Variants in EPSTI1 observed in about 807,000 individuals in gnomAD.
The protein encoded by EPSTI1 is epithelial stromal interaction 1.
A neutral mutation model predicts 49.9 loss-of-function variants in EPSTI1; 66 were observed. That is an observed-to-expected ratio of 1.32 (90% CI 1.08 to 1.62). The LOEUF (loss-of-function observed/expected upper bound fraction) is 1.62, where lower values mean the gene tolerates loss of function less well. Ranked by LOEUF, EPSTI1 falls within the 40% of genes most tolerant of loss-of-function variation. The probability of loss-of-function intolerance (pLI) is 0.00; values close to 1 mark genes in which losing one functional copy is unlikely to be tolerated. For missense variants in EPSTI1, 394 were observed against 365.5 expected (o/e 1.08, Z -0.64); for synonymous variants, 137 against 130.7 (o/e 1.05, Z -0.33).
At position 42,917,638 on chromosome 13, in the gene EPSTI1, A is replaced by T; in HGVS notation, c.658-14T>A. 5 of 990,222 alleles carry T rather than the reference A, an allele frequency of 5.0e-6. No homozygotes were observed. Among genetic ancestry groups the T allele is most frequent in the Non-Finnish European group, 7.4e-6 (5 of 680,180 alleles). The allele number at this position is 990,222 out of a possible 1,614,324, so 61.3% of individuals were successfully genotyped here. A position where few individuals can be genotyped will look rare whatever the true frequency, so the allele number is the denominator to read the frequency against. ...CCAGCTTCTGGCCTGTAAAGGTACA[A>T]AGAGAAAAAAAAAAAAAAAAACAAC... is the stretch of plus-strand genomic sequence containing the variant. On this transcript the variant is annotated splice_polypyrimidine_tract_variant and intron_variant, in intron 7 of 10. Coordinates refer to ENST00000313624, the MANE Select transcript of EPSTI1 (RefSeq NM_033255.5).
intron 7 of EPSTI1, among the ~76,000 whole-genome samples, chr13:42,924,249 C>A (rs914891649): frequency 1.3e-5 from 2 of 152,120 alleles, no homozygotes; most frequent in African/African-American, 4.8e-5. Flanking sequence ...GGGTCAAAAT[C>A]GGAGCAGCTA....
At chr13:42,985,942 T>C (rs185778828) in intron 1 of EPSTI1, among the ~76,000 whole-genome samples, 130 of 152,328 alleles carry the variant, frequency 8.5e-4, no homozygotes, top group African/African-American at 3.0e-3. Context: ...ACTTGAGGCT[T>C]GAGAATTCCT....
At chr13:42,899,350 T>C (rs559850132) in intron 9 of EPSTI1, among the ~76,000 whole-genome samples, 1 of 152,312 alleles carries the variant, frequency 6.6e-6, no homozygotes, top group Admixed American at 6.5e-5. Flanking sequence ...GTTTTGATAT[T>C]TCCTTAAATA....
chr13:42,925,310 A>T (rs2038136364), intron 7 of EPSTI1, among the ~76,000 whole-genome samples: 1 of 152,156 alleles, frequency 6.6e-6, no homozygotes, highest in Non-Finnish European at 1.5e-5. Context: ...AACATTTCCA[A>T]TACCCTCAGT....
intron 1 of EPSTI1, among the ~76,000 whole-genome samples, chr13:42,984,560 T>C (rs1294547257): frequency 6.6e-6 from 1 of 152,236 alleles, no homozygotes; most frequent in African/African-American, 2.4e-5. Context: ...GTGATATTGA[T>C]AAAAATTTAA....
At chr13:42,939,711 G>A (rs552350139) in intron 6 of EPSTI1, among the ~76,000 whole-genome samples, 13 of 152,262 alleles carry the variant, frequency 8.5e-5, no homozygotes, top group African/African-American at 2.6e-4. Flanking sequence ...TAATTATAAC[G>A]AAAAGTCTGA....
intron 10 of EPSTI1, among the ~76,000 whole-genome samples, chr13:42,889,652 G>A (rs1017558424): frequency 1.3e-5 from 2 of 152,128 alleles, no homozygotes; most frequent in African/African-American, 2.4e-5. Context: ...TATAATTTAA[G>A]TTGCTAATTC....
At chr13:42,905,807 G>A (rs2037481855) in intron 8 of EPSTI1, among the ~76,000 whole-genome samples, 1 of 152,158 alleles carries the variant, frequency 6.6e-6, no homozygotes, top group East Asian at 1.9e-4. Context: ...AAAGAAATGA[G>A]TTGCTAAACA....
intron 8 of EPSTI1, among the ~76,000 whole-genome samples, chr13:42,916,254 G>A (rs1317994560): frequency 7.8e-6 from 1 of 127,578 alleles, no homozygotes; most frequent in African/African-American, 2.7e-5. Context: ...ATCTTGCCAA[G>A]ACAAAAAGAT....
intron 4 of EPSTI1, 197 bp from the exon 5 acceptor site, chr13:42,963,535 T>A (rs1474580022): frequency 1.7e-6 from 1 of 579,318 alleles, no homozygotes; most frequent in African/African-American, 1.9e-5. Context: ...AATTTCTGTC[T>A]TTGTGTTTCT....
Position 42,943,016 on chromosome 13 carries a change from CACATATTTG to C in EPSTI1, c.563+10923_563+10931del, listed in dbSNP as rs541606105. Among the ~76,000 whole-genome samples the C allele has an allele frequency of 8.5e-5, 13 of 152,326 alleles. No homozygotes were observed. In the South Asian group the frequency reaches 2.7e-3, roughly 32 times the overall value. On this transcript the variant is annotated intron_variant, in intron 6 of 10. Transcript: ENST00000313624. ...ATTCTTATTTAAACAGAAAAACAAGCACATATTTGACCAAAAATGTCACTGTCTTCTTTG... is the reference window on the plus strand; with the variant it reads ...ATTCTTATTTAAACAGAAAAACAAGCACCAAAAATGTCACTGTCTTCTTTG...
chr13:42,894,187 TG>T (rs1408951765), intron 10 of EPSTI1, among the ~76,000 whole-genome samples: 3 of 152,236 alleles, frequency 2.0e-5, no homozygotes, highest in African/African-American at 4.8e-5. Flanking sequence ...CATGATCTTT[TG>T]TCTGTCAAGT....
chr13:42,992,149 C>CT lies in EPSTI1; in HGVS notation c.16dup (p.Arg6LysfsTer44). 1 of 1,586,004 alleles carries CT rather than the reference C, an allele frequency of 6.3e-7. No homozygotes were observed. The highest frequency in any genetic ancestry group is 1.1e-5 in the South Asian group (1 of 87,428). ...GGCGCCGAGCCCGGAGTTCACCACT[C>CT]TATTGCGGGTGTTCATGGTTCACAG... On this transcript the variant is annotated frameshift_variant, in exon 1 of 11. Transcript: ENST00000313624. LOFTEE classifies it high-confidence loss of function.
intron 6 of EPSTI1, among the ~76,000 whole-genome samples, chr13:42,929,114 C>G (rs2038279074): frequency 6.6e-6 from 1 of 152,196 alleles, no homozygotes; most frequent in Non-Finnish European, 1.5e-5. Context: ...AGAAGAGCAG[C>G]TCCTGGCATC....
At chr13:42,902,655 CA>C (rs2037393944) in intron 8 of EPSTI1, among the ~76,000 whole-genome samples, 1 of 152,032 alleles carries the variant, frequency 6.6e-6, no homozygotes, top group African/African-American at 2.4e-5. Flanking sequence ...CAAGTTTTAC[CA>C]GAATTGTATT....
intron 8 of EPSTI1, among the ~76,000 whole-genome samples, chr13:42,911,729 G>A (rs979333143): frequency 6.6e-6 from 1 of 152,084 alleles, no homozygotes; most frequent in Non-Finnish European, 1.5e-5. Context: ...CCAAAGATGT[G>A]TGCATTTGTT....
intron 1 of EPSTI1, among the ~76,000 whole-genome samples, chr13:42,974,811 A>G (rs572835512): frequency 7.9e-4 from 120 of 152,256 alleles, no homozygotes; most frequent in Non-Finnish European, 1.5e-3. Context: ...TGGCTGGCTA[A>G]AAGTATTACA....
chr13:42,918,603 C>T (rs550351583), intron 7 of EPSTI1, among the ~76,000 whole-genome samples: 1 of 152,154 alleles, frequency 6.6e-6, no homozygotes, highest in African/African-American at 2.4e-5. Flanking sequence ...TATAAAAACC[C>T]ATATCCCATC....
chr13:42,930,101 C>A (rs2038313885), intron 6 of EPSTI1, among the ~76,000 whole-genome samples: 1 of 152,204 alleles, frequency 6.6e-6, no homozygotes, highest in African/African-American at 2.4e-5. Flanking sequence ...ATTCAATATG[C>A]ATAATTATCT....
Sources: gnomAD v4.1 joint callset for allele counts (sites outside exome capture counted in the v4.1 genomes callset) on GRCh38, gnomAD v4.1.1 for gene constraint, MANE v1.5 for transcripts, NCBI Gene and HGNC (gene_info 2026-07-23, HGNC 2026-07-21) for gene names.